Variants in DOCK4 observed in about 807,000 individuals in gnomAD.
The protein encoded by DOCK4 is dedicator of cytokinesis 4.
A neutral mutation model predicts 268.1 loss-of-function variants in DOCK4; 97 were observed. The ratio of observed to expected loss-of-function variants is 0.36; its 90% CI spans 0.31 to 0.43. The LOEUF (loss-of-function observed/expected upper bound fraction) is 0.43. Among genes scored for constraint, DOCK4 ranks in the 20% least tolerant of loss-of-function variants. The pLI, the probability that DOCK4 is intolerant of heterozygous loss-of-function variation, is 1.00. For missense variants in DOCK4, 2,145 were observed against 2,455.7 expected (o/e 0.87, Z 2.67); for synonymous variants, 954 against 887.2 (o/e 1.08, Z -1.34).
At chr7:111,809,464 CAT>C in intron 28 of DOCK4, 63 bp from the exon 29 acceptor site, 1 of 1,397,640 alleles carries the variant, frequency 7.2e-7, no homozygotes, top group East Asian at 2.5e-5. Context: ...GGTGAAGTGA[CAT>C]AGTATTTTGG....
intron 1 of DOCK4, among the ~76,000 whole-genome samples, chr7:112,043,851 G>C (rs576581925): frequency 2.0e-4 from 30 of 152,070 alleles, no homozygotes; most frequent in African/African-American, 7.0e-4. Flanking sequence ...GGAAGCAATT[G>C]GAAGACTTTA....
At chr7:112,014,869 C>T (rs902658753) in intron 1 of DOCK4, among the ~76,000 whole-genome samples, 1 of 152,044 alleles carries the variant, frequency 6.6e-6, no homozygotes, top group Non-Finnish European at 1.5e-5. Flanking sequence ...CACACCACTG[C>T]ACTCCGGCCT....
intron 1 of DOCK4, among the ~76,000 whole-genome samples, chr7:112,157,919 T>C (rs545471604): frequency 3.9e-4 from 60 of 152,288 alleles, no homozygotes; most frequent in African/African-American, 1.4e-3. Context: ...ATGGTCTCTT[T>C]GGCTATAGTG....
chr7:111,739,451 A>C lies in DOCK4; in HGVS notation c.5067T>G (p.Ser1689Arg). 6.4e-7 allele frequency: 1 copy of C among 1,572,414 alleles called. No individual in the cohort carries two copies. Among genetic ancestry groups the C allele is most frequent in the Non-Finnish European group, 8.6e-7 (1 of 1,158,866 alleles). ...CATTAGGTGAAGCCGAGTGAGTAGA[A>C]CTCAAGCTTGAGGTAGATGGACTTG... ...MQPSPSTSSL[S>R]STHSASPNVT... is the part of the protein sequence containing the mutation. Residue 1689 changes from serine (S) to arginine (R), a missense_variant, in exon 48 of 53, where the codon AGT (serine) becomes AGG (arginine). Coordinates refer to ENST00000428084, the MANE Select transcript of DOCK4 (RefSeq NM_001363540.2).
chr7:111,825,035 T>A (rs1050512289), intron 26 of DOCK4, among the ~76,000 whole-genome samples: 6 of 152,168 alleles, frequency 3.9e-5, no homozygotes, highest in Admixed American at 3.9e-4. Flanking sequence ...GGCTATGCAA[T>A]TAACTAGCCC....
intron 1 of DOCK4, among the ~76,000 whole-genome samples, chr7:112,034,293 G>A (rs559083280): frequency 2.6e-5 from 4 of 152,188 alleles, no homozygotes; most frequent in African/African-American, 7.2e-5. Flanking sequence ...GACACTATAC[G>A]CTATTTTTTG....
intron 9 of DOCK4, among the ~76,000 whole-genome samples, chr7:111,945,081 A>G (rs1006680684): frequency 7.2e-5 from 11 of 152,278 alleles, no homozygotes; most frequent in Non-Finnish European, 1.5e-4. Flanking sequence ...ACTTTAAAGA[A>G]GAGAGCACTG....
At chr7:111,737,210 A>G (rs750933826) in intron 49 of DOCK4, among the ~76,000 whole-genome samples, 18 of 152,350 alleles carry the variant, frequency 1.2e-4, no homozygotes, top group Non-Finnish European at 2.4e-4. Context: ...AGTTTGTATT[A>G]TATTTTAAAT....
chr7:112,027,387 G>C (rs1802900378), intron 1 of DOCK4, among the ~76,000 whole-genome samples: 1 of 152,104 alleles, frequency 6.6e-6, no homozygotes, highest in Non-Finnish European at 1.5e-5. Context: ...ACCACACCCG[G>C]TTAATTTTTG....
intron 13 of DOCK4, among the ~76,000 whole-genome samples, chr7:111,909,117 T>C (rs1382237377): frequency 6.6e-6 from 1 of 152,242 alleles, no homozygotes; most frequent in Non-Finnish European, 1.5e-5. Context: ...TTGAACTATT[T>C]ACACTCCCAC....
intron 1 of DOCK4, among the ~76,000 whole-genome samples, chr7:112,181,639 C>CAAAAAAAAAAAA (rs55807955): frequency 0.011 from 695 of 65,322 alleles, 57 homozygotes; most frequent in Middle Eastern, 0.026. Context: ...GACACTGTCT[C>CAAAAAAAAAAAA]AAAAAAAAAA....
Position 111,767,012 on chromosome 7 carries a change from G to T in DOCK4, c.3915+20C>A, listed in dbSNP as rs1031917635. 6.3e-7 allele frequency: 1 copy of T among 1,592,222 alleles called. No individual in the cohort carries two copies. The highest frequency in any genetic ancestry group is 8.6e-7 in the Non-Finnish European group (1 of 1,160,396). ...CAAAGGGAGGCTATGGCCTGATCAG[G>T]ATGCATCCAGGCACCTTACCCGCAT... On this transcript the variant is annotated intron_variant, in intron 38 of 52. Transcript: ENST00000428084.
chr7:112,062,939 A>T (rs1368342018), intron 1 of DOCK4, among the ~76,000 whole-genome samples: 1 of 152,100 alleles, frequency 6.6e-6, no homozygotes, highest in East Asian at 1.9e-4. Context: ...AGCCTCCCAA[A>T]GTGCTGGGAT....
chr7:112,062,988 T>A (rs1806572483), intron 1 of DOCK4, among the ~76,000 whole-genome samples: 1 of 152,202 alleles, frequency 6.6e-6, no homozygotes, highest in Non-Finnish European at 1.5e-5. Context: ...CTTTCATTAC[T>A]TTTACATCAT....
At position 111,778,295 on chromosome 7, in the gene DOCK4, G is replaced by T; in HGVS notation, c.3660C>A (p.Leu1220=). The change falls in exon 36 of 53, where the codon CTC becomes CTA. Residue 1220 remains leucine, a synonymous_variant. Coordinates refer to ENST00000428084, the MANE Select transcript of DOCK4 (RefSeq NM_001363540.2). ...RYIHKLYDLH[L]KAQNFTEAAY... is the part of the protein sequence containing the mutation. The stretch of plus-strand genomic sequence containing the variant: ...AATTACCTGTAAAGTTCTGTGCTTT[G>T]AGATGCAGATCATAGAGTTTGTGAA... The T allele has an allele frequency of 6.2e-7, 1 of 1,612,144 alleles. No homozygotes were observed. Among genetic ancestry groups the T allele is most frequent in the Non-Finnish European group, 8.5e-7 (1 of 1,178,510 alleles).
intron 8 of DOCK4, among the ~76,000 whole-genome samples, chr7:111,955,456 G>T (rs1796383482): frequency 6.6e-6 from 1 of 152,196 alleles, no homozygotes; most frequent in Non-Finnish European, 1.5e-5. Flanking sequence ...GGCACATAAA[G>T]AATTTGGGTT....
intron 1 of DOCK4, among the ~76,000 whole-genome samples, chr7:112,048,954 T>C (rs1805105410): frequency 6.6e-6 from 1 of 151,888 alleles, no homozygotes; most frequent in Non-Finnish European, 1.5e-5. Flanking sequence ...CAAAATATCT[T>C]TCAGAAACGA....
chr7:112,041,347 A>G (rs370906325), intron 1 of DOCK4, among the ~76,000 whole-genome samples: 62 of 152,334 alleles, frequency 4.1e-4, no homozygotes, highest in African/African-American at 1.3e-3. Flanking sequence ...GTATATTTCC[A>G]TATTAGCCAA....
chr7:111,837,097 A>G (rs1294488386), intron 25 of DOCK4, among the ~76,000 whole-genome samples: 1 of 152,080 alleles, frequency 6.6e-6, no homozygotes, highest in Non-Finnish European at 1.5e-5. Flanking sequence ...CAAATTGCTT[A>G]TAGCCAGTGG....
Sources: allele counts gnomAD v4.1 joint callset (sites outside exome capture counted in the v4.1 genomes callset), GRCh38; gene constraint gnomAD v4.1.1; transcripts MANE v1.5; gene names NCBI Gene and HGNC (gene_info 2026-07-23, HGNC 2026-07-21).